NEDD4L: variants seen among roughly 807,000 people sequenced by gnomAD.
NEDD4L encodes NEDD4 like E3 ubiquitin protein ligase.
Under a neutral mutation model 148.9 loss-of-function variants are expected in NEDD4L, and 54 were observed. The observed-to-expected ratio is 0.36, with a 90% CI of 0.29 to 0.45. The LOEUF is 0.45. Among genes scored for constraint, NEDD4L ranks in the 20% least tolerant of loss-of-function variants. The pLI is 1.00. For synonymous variants in NEDD4L, 433 were observed against 440.7 expected, an observed-to-expected ratio of 0.98 and a Z score of 0.22; for missense variants, 856 against 1,233.8, an observed-to-expected ratio of 0.69 and a Z score of 4.59.
intron 1 of NEDD4L, among the ~76,000 whole-genome samples, chr18:58,150,773 C>T (rs2034623466): frequency 6.6e-6 from 1 of 152,136 alleles, no homozygotes; most frequent in African/African-American, 2.4e-5. Context: ...CAGCATGGCC[C>T]ACACTTGTTG....
intron 5 of NEDD4L, among the ~76,000 whole-genome samples, chr18:58,290,177 T>C (rs2054517720): frequency 1.3e-5 from 2 of 152,056 alleles, no homozygotes; most frequent in South Asian, 4.1e-4. Context: ...CAAATACATA[T>C]TTATAGAATG....
chr18:58,067,530 G>C (rs1035328612), intron 1 of NEDD4L, among the ~76,000 whole-genome samples: 8 of 152,164 alleles, frequency 5.3e-5, no homozygotes, highest in Admixed American at 5.2e-4. Context: ...GGTGTGGGGG[G>C]CCTGCGAGGA....
At chr18:58,066,302 T>C (rs1253098528) in intron 1 of NEDD4L, among the ~76,000 whole-genome samples, 1 of 151,776 alleles carries the variant, frequency 6.6e-6, no homozygotes, top group Admixed American at 6.6e-5. Context: ...ACTGGCTGAG[T>C]GAGAGTGATC....
intron 24 of NEDD4L, among the ~76,000 whole-genome samples, chr18:58,378,797 C>G (rs1171855282): frequency 6.6e-6 from 1 of 152,204 alleles, no homozygotes; most frequent in Non-Finnish European, 1.5e-5. Flanking sequence ...CCAGCATATT[C>G]CATATGAGCC....
rs765522431 is a variant in NEDD4L at position 58,335,501 on chromosome 18, G to A, written c.1089G>A (p.Ala363=). The A allele has an allele frequency of 1.2e-5, 20 of 1,613,482 alleles. No individual in the cohort carries two copies. Among genetic ancestry groups the A allele is most frequent in the East Asian group, 4.5e-5 (2 of 44,894 alleles). Residue 363 remains alanine, a synonymous_variant, in exon 13 of 31, where the codon GCG becomes GCA. Transcript: ENST00000400345. ...LPPPSAPAGR[A]RSSTVTGGEE... Reference sequence around the variant, plus strand: ...AGCCCAGTGCCCCAGCTGGGAGAGCGCGTTCATCAACTGTCACGGGTGGTG... The same window carrying A: ...AGCCCAGTGCCCCAGCTGGGAGAGCACGTTCATCAACTGTCACGGGTGGTG...
rs1005286056 is a variant in NEDD4L at position 58,225,535 on chromosome 18, A to G, written c.123-19892A>G. ...CTTCTTATTTTTTAAGAAAGGGGAGAAGTGTGGGCAAGGTAAAATACAGCT... is the reference window on the plus strand; with the variant it reads ...CTTCTTATTTTTTAAGAAAGGGGAGGAGTGTGGGCAAGGTAAAATACAGCT... On this transcript the variant is annotated intron_variant, in intron 2 of 30. Transcript: ENST00000400345. Among the ~76,000 whole-genome samples the G allele has an allele frequency of 5.3e-5, 8 of 152,270 alleles. No homozygotes were observed. In the East Asian group the frequency reaches 1.5e-3, roughly 29 times the overall value.
At chr18:58,325,302 C>T (rs961563652) in intron 9 of NEDD4L, 140 bp downstream of exon 9, 5 of 984,030 alleles carry the variant, frequency 5.1e-6, no homozygotes, top group Non-Finnish European at 7.4e-6. Flanking sequence ...AGATTCCTCT[C>T]CATTTACGTA....
intron 5 of NEDD4L, among the ~76,000 whole-genome samples, chr18:58,269,053 C>G (rs909945685): frequency 5.3e-5 from 8 of 151,966 alleles, no homozygotes; most frequent in African/African-American, 1.9e-4. Flanking sequence ...TCCTTTTGAA[C>G]AAGTTTCTTA....
intron 2 of NEDD4L, among the ~76,000 whole-genome samples, chr18:58,232,480 G>A (rs944244635): frequency 1.3e-5 from 2 of 152,186 alleles, no homozygotes; most frequent in African/African-American, 4.8e-5. Flanking sequence ...TAATGCTGAT[G>A]TGGGCTTCAT....
chr18:58,108,678 C>G (rs140689324), intron 1 of NEDD4L, among the ~76,000 whole-genome samples: 3,581 of 152,292 alleles, frequency 0.024, 134 homozygotes, highest in African/African-American at 0.081. Flanking sequence ...ACCTCGGCCC[C>G]CCAAAGTGTT....
At chr18:58,347,205 G>GCCCCCCCCCCCCCCCCCCCCCCCCCCC (rs138430099) in intron 16 of NEDD4L, among the ~76,000 whole-genome samples, 2 of 39,560 alleles carry the variant, frequency 5.1e-5, no homozygotes, top group Admixed American at 2.4e-4. Flanking sequence ...TCACGCTACG[G>GCCCCCCCCCCCCCCCCCCCCCCCCCCC]CCCCCCCCGC....
rs1257275318 is a variant in NEDD4L at position 58,323,396 on chromosome 18, A to G, written c.513+62A>G. The G allele has an allele frequency of 3.4e-6, 3 of 892,230 alleles. No homozygotes were observed. In the African/African-American group the frequency reaches 5.0e-5, roughly 15 times the overall value. The allele number at this position is 892,230 out of a possible 1,614,324, so 55.3% of individuals were successfully genotyped here. On this transcript the variant is annotated intron_variant, in intron 8 of 30. Coordinates refer to ENST00000400345, the MANE Select transcript of NEDD4L (RefSeq NM_001144967.3). ...AGATCATATTCATGTTTTGCTTTCA[A>G]ACTTTATAATTGAAGGAAATAAAAG...
Position 58,264,779 on chromosome 18 carries a change from C to T in NEDD4L, c.297+12725C>T, listed in dbSNP as rs182652390. On this transcript the variant is annotated intron_variant, in intron 5 of 30. Coordinates refer to ENST00000400345, the MANE Select transcript of NEDD4L (RefSeq NM_001144967.3). ...GTGCTGTTGAACACTAGAACTTACT[C>T]CTTCATCTGACCGTATTTTCGTACC... 2.3e-4 allele frequency among the ~76,000 whole-genome samples: 35 copies of T among 152,170 alleles called. 1 individual carries two copies. Among genetic ancestry groups the T allele is most frequent in the Admixed American group, 1.0e-3 (16 of 15,298 alleles).
chr18:58,131,023 G>T (rs12960340), intron 1 of NEDD4L, among the ~76,000 whole-genome samples: 1 of 126,642 alleles, frequency 7.9e-6, no homozygotes. Flanking sequence ...GAACAGTGGC[G>T]GTGTTGGGCT....
intron 22 of NEDD4L, among the ~76,000 whole-genome samples, chr18:58,369,406 C>T (rs957422532): frequency 1.3e-5 from 2 of 152,080 alleles, no homozygotes; most frequent in Non-Finnish European, 2.9e-5. Context: ...GCCTAGTCAG[C>T]AGTGTCTTCA....
At chr18:58,326,594 A>G (rs1019953695) in intron 9 of NEDD4L, among the ~76,000 whole-genome samples, 1 of 152,242 alleles carries the variant, frequency 6.6e-6, no homozygotes, top group African/African-American at 2.4e-5. Flanking sequence ...TCTTGGTAGC[A>G]ATATCCTAAG....
At position 58,198,652 on chromosome 18, in the gene NEDD4L, C is replaced by G. The variant is rs79466967; in HGVS notation, c.122+32791C>G. On this transcript the variant is annotated intron_variant, in intron 2 of 30. Transcript: ENST00000400345. Reference sequence around the variant, plus strand: ...GCTAGTTATAGAATCTGATGTTTACCTTAGAATCCTAGGATGGAAAGGGTT... The same window carrying G: ...GCTAGTTATAGAATCTGATGTTTACGTTAGAATCCTAGGATGGAAAGGGTT... 2.1e-3 allele frequency among the ~76,000 whole-genome samples: 316 copies of G among 152,264 alleles called. 8 individuals carry two copies. The East Asian group carries it at 0.052, about 25-fold the overall frequency.
chr18:58,334,741 G>A (rs2041496121), intron 12 of NEDD4L, among the ~76,000 whole-genome samples: 1 of 152,070 alleles, frequency 6.6e-6, no homozygotes, highest in Non-Finnish European at 1.5e-5. Flanking sequence ...TCTCATGTAT[G>A]TTTTTTCTTG....
chr18:58,052,249 C>T (rs538861001), intron 1 of NEDD4L, among the ~76,000 whole-genome samples: 5 of 152,252 alleles, frequency 3.3e-5, no homozygotes, highest in East Asian at 3.9e-4. Context: ...GATGCAAGAC[C>T]GTGGCTGAAG....
Sources: gnomAD v4.1 joint callset for allele counts (sites outside exome capture counted in the v4.1 genomes callset) on GRCh38, gnomAD v4.1.1 for gene constraint, MANE v1.5 for transcripts, NCBI Gene and HGNC (gene_info 2026-07-23, HGNC 2026-07-21) for gene names.